Variants in TECTA observed in about 807,000 individuals in gnomAD.
TECTA encodes alpha-tectorin.
Under a neutral mutation model 216.8 loss-of-function variants are expected in TECTA, and 128 were observed. That is an observed-to-expected ratio of 0.59 (90% confidence interval 0.51 to 0.68). TECTA has a LOEUF of 0.68. TECTA is among the 30% of genes least tolerant of loss of function. TECTA has a pLI of 0.00. For synonymous variants in TECTA, 1,089 were observed against 1,117.1 expected, an observed-to-expected ratio of 0.97 and a Z score of 0.50; for missense variants, 2,551 against 2,786.2, an observed-to-expected ratio of 0.92 and a Z score of 1.90.
intron 20 of TECTA, among the ~76,000 whole-genome samples, chr11:121,183,439 G>A (rs1947250957): frequency 1.3e-5 from 2 of 152,178 alleles, no homozygotes; most frequent in Non-Finnish European, 2.9e-5. Flanking sequence ...CATTACGAAA[G>A]TCTGCAGTGG....
chr11:121,166,482 C>A, intron 17 of TECTA, 96 bp from the exon 18 acceptor site: 1 of 1,298,118 alleles, frequency 7.7e-7, no homozygotes, highest in Non-Finnish European at 1.1e-6. Context: ...GGTCATTTGC[C>A]TCTTCTAAAG....
Position 121,130,090 on chromosome 11 carries a change from T to A in TECTA, c.2820T>A (p.Leu940=). ...VNVTAYYRTC[L]FRLCQSGGNE... ...TCACTGCCTATTACCGCACCTGCCT[T>A]TTCCGCCTGTGCCAGAGTGGGGGCA... is the stretch of plus-strand genomic sequence containing the variant. Residue 940 remains leucine, a synonymous_variant, in exon 10 of 24, where the codon CTT becomes CTA. Transcript: ENST00000392793. The A allele has an allele frequency of 1.2e-6, 2 of 1,613,860 alleles. No individual in the cohort carries two copies. Among genetic ancestry groups the A allele is most frequent in the Non-Finnish European group, 1.7e-6 (2 of 1,180,022 alleles).
At chr11:121,142,685 A>T (rs1225570902) in intron 11 of TECTA, among the ~76,000 whole-genome samples, 1 of 152,058 alleles carries the variant, frequency 6.6e-6, no homozygotes, top group African/African-American at 2.4e-5. Flanking sequence ...TTCAGGACAG[A>T]TCAGAGTCTC....
At chr11:121,157,709 C>T (rs1473707763) in intron 13 of TECTA, 132 bp from the exon 14 acceptor site, 10 of 1,298,020 alleles carry the variant, frequency 7.7e-6, no homozygotes, top group Non-Finnish European at 9.9e-6. Context: ...TTCCCCACTG[C>T]TGCCTCCTAC....
chr11:121,156,934 A>C (rs1331728943), intron 13 of TECTA, among the ~76,000 whole-genome samples: 1 of 152,192 alleles, frequency 6.6e-6, no homozygotes, highest in Non-Finnish European at 1.5e-5. Flanking sequence ...CGTTCCTTTC[A>C]TGGACCCCAG....
intron 7 of TECTA, among the ~76,000 whole-genome samples, chr11:121,119,612 C>T (rs984684338): frequency 3.9e-5 from 6 of 152,324 alleles, no homozygotes; most frequent in African/African-American, 1.4e-4. Flanking sequence ...GGGCTGATTG[C>T]TGCAACCCAG....
intron 16 of TECTA, among the ~76,000 whole-genome samples, chr11:121,163,390 A>C (rs1163356532): frequency 6.9e-6 from 1 of 145,128 alleles, no homozygotes; most frequent in African/African-American, 2.5e-5. Flanking sequence ...ATAGGTGGGA[A>C]TTGAACAGTG....
chr11:121,102,496 C>A (rs1946355259), intron 1 of TECTA, among the ~76,000 whole-genome samples, 169 bp from the exon 2 acceptor site: 3 of 152,150 alleles, frequency 2.0e-5, no homozygotes, highest in Admixed American at 2.0e-4. Context: ...TTCGGAGGAC[C>A]TGCCAGCATT....
chr11:121,143,261 T>A lies in TECTA; in HGVS notation c.3544-2294T>A, dbSNP rs572788013. On this transcript the variant is annotated intron_variant, in intron 11 of 23. Coordinates refer to ENST00000392793, the MANE Select transcript of TECTA (RefSeq NM_005422.4). ...CCTGTGCATTTTCATCTCCCACCAC[T>A]CCCAAGCCACACTCTATGCCCCAGC... Among the ~76,000 whole-genome samples, 15 of 152,286 alleles carry A rather than the reference T, an allele frequency of 9.8e-5. No homozygotes were observed. In the South Asian group the frequency reaches 3.1e-3, roughly 32 times the overall value.
chr11:121,139,680 ACT>A (rs1266510467), intron 11 of TECTA, among the ~76,000 whole-genome samples: 2 of 134,862 alleles, frequency 1.5e-5, no homozygotes, highest in Non-Finnish European at 3.0e-5. Flanking sequence ...ACAGAGCAAG[ACT>A]CTGTCTCAAA....
In TECTA at chr11:121,113,643, G is replaced by A. The variant is rs1365484902; in HGVS notation, c.715G>A (p.Val239Ile). 1.5e-5 allele frequency: 24 copies of A among 1,613,756 alleles called. No individual in the cohort carries two copies. Among genetic ancestry groups the A allele is most frequent in the Middle Eastern group, 1.6e-4 (1 of 6,084 alleles). ...EIVNIQETTN[V>I]NVPGRWAFKV... ...CGTGAATATCCAGGAGACCACAAAC[G>A]TCAATGTTCCAGGCCGCTGGGCATT... The change falls in exon 6 of 24, where the codon GTC (valine) becomes ATC (isoleucine). Residue 239 changes from valine to isoleucine, a missense_variant. By Grantham distance (29) the Val-to-Ile change is conservative (BLOSUM62 3). This residue lies in a region of TECTA where 2,375 missense variants were observed against 2,563.9 expected (regional missense o/e 0.93). Coordinates refer to ENST00000392793, the MANE Select transcript of TECTA (RefSeq NM_005422.4). This position sits in a 1 kb window ranked among gnomAD's most constrained non-coding sequence, Gnocchi z 4.2.
chr11:121,111,969 T>C (rs1442742140), intron 4 of TECTA, among the ~76,000 whole-genome samples: 1 of 152,188 alleles, frequency 6.6e-6, no homozygotes, highest in African/African-American at 2.4e-5. Context: ...TGGGGAGATT[T>C]GGGGCTTCCA....
rs553481323 is a variant in TECTA, at chr11:121,129,733, C to T, written c.2463C>T (p.Gly821=). The stretch of plus-strand genomic sequence containing the variant: ...ACAGTACGACAGTGGAGTCCAAGGG[C>T]GTGGTGACTGTCCAGTACTCAGACA... The part of the protein sequence containing the change: ...NKNSTTVESK[G]VVTVQYSDIG... The change falls in exon 10 of 24, where the codon GGC becomes GGT. Residue 821 remains glycine, a synonymous_variant. Coordinates refer to ENST00000392793, the MANE Select transcript of TECTA (RefSeq NM_005422.4). 1.3e-5 allele frequency: 21 copies of T among 1,614,170 alleles called. No individual in the cohort carries two copies. Among genetic ancestry groups the T allele is most frequent in the East Asian group, 6.7e-5 (3 of 44,888 alleles).
At chr11:121,126,731 A>G (rs1399132954) in intron 8 of TECTA, among the ~76,000 whole-genome samples, 1 of 152,200 alleles carries the variant, frequency 6.6e-6, no homozygotes, top group Non-Finnish European at 1.5e-5. Context: ...CACATAAACC[A>G]TAATGTATCA....
rs184277516 is a variant in TECTA, at chr11:121,146,561, G to A, written c.4105+445G>A. Reference sequence around the variant, plus strand: ...ATATATGTCATGTTTCAGTCTTTGTGTTTATGAAACAGAGCAGAATATTAA... The same window carrying A: ...ATATATGTCATGTTTCAGTCTTTGTATTTATGAAACAGAGCAGAATATTAA... On this transcript the variant is annotated intron_variant, in intron 12 of 23. Transcript: ENST00000392793. 2.0e-3 allele frequency among the ~76,000 whole-genome samples: 302 copies of A among 152,258 alleles called. 1 individual carries two copies. Among genetic ancestry groups the A allele is most frequent in the African/African-American group, 6.9e-3 (285 of 41,546 alleles).
At chr11:121,126,151 A>C (rs963991888) in intron 8 of TECTA, among the ~76,000 whole-genome samples, 1 of 152,172 alleles carries the variant, frequency 6.6e-6, no homozygotes, top group South Asian at 2.1e-4. Context: ...GCAGCTCCAG[A>C]GTTGAGTGAG....
At position 121,125,295 on chromosome 11, in the gene TECTA, T is replaced by C; in HGVS notation, c.1204-7T>C. 1 of 1,611,880 alleles carries C rather than the reference T, an allele frequency of 6.2e-7. No individual in the cohort carries two copies. Among genetic ancestry groups the C allele is most frequent in the Non-Finnish European group, 8.5e-7 (1 of 1,179,918 alleles). The stretch of plus-strand genomic sequence containing the variant: ...CACCTGCCTTTCACTATTACTGTTG[T>C]TGGCAGGTTAATGACCTAGTGACTT... On this transcript the variant is annotated splice_region_variant and splice_polypyrimidine_tract_variant and intron_variant, in intron 7 of 23. Transcript: ENST00000392793.
At chr11:121,135,991 C>A (rs1174103645) in intron 10 of TECTA, among the ~76,000 whole-genome samples, 1 of 151,612 alleles carries the variant, frequency 6.6e-6, no homozygotes, top group Non-Finnish European at 1.5e-5. Flanking sequence ...CGGAGTCTCG[C>A]TCTGTCACCC....
At chr11:121,171,708 G>T (rs1947113967) in intron 20 of TECTA, among the ~76,000 whole-genome samples, 1 of 151,928 alleles carries the variant, frequency 6.6e-6, no homozygotes, top group South Asian at 2.1e-4. Flanking sequence ...GATTTATTTT[G>T]CTGCTAGTTC....
Sources: gnomAD v4.1 joint callset for allele counts (sites outside exome capture counted in the v4.1 genomes callset) on GRCh38, gnomAD v4.1.1 for gene constraint, gnomAD v4.1.1 regional missense constraint, Gnocchi (gnomAD v3.1) non-coding constraint, MANE v1.5 for transcripts, NCBI Gene and HGNC (gene_info 2026-07-23, HGNC 2026-07-21) for gene names.